The following LRP1B variants were observed in gnomAD, a reference collection of about 807,000 sequenced individuals.
The protein encoded by LRP1B is low-density lipoprotein receptor-related protein 1B.
In LRP1B, 217 loss-of-function variants were observed where a neutral mutation model predicts 556.6. That is an observed-to-expected ratio of 0.39 (90% CI 0.35 to 0.44). LRP1B has a LOEUF of 0.44. Among genes scored for constraint, LRP1B ranks in the 20% least tolerant of loss-of-function variants. The pLI, the probability that LRP1B is intolerant of heterozygous loss-of-function variation, is 1.00. For missense variants in LRP1B, 5,053 were observed against 5,620.8 expected (o/e 0.90, Z 3.23); for synonymous variants, 2,047 against 1,865.8 (o/e 1.10, Z -2.50).
intron 1 of LRP1B, among the ~76,000 whole-genome samples, chr2:141,817,895 A>C (rs1219333875): frequency 6.6e-6 from 1 of 151,592 alleles, no homozygotes; most frequent in Non-Finnish European, 1.5e-5. Context: ...ATTAAATGTA[A>C]AGGAGGGATA....
Position 141,136,755 on chromosome 2 carries a change from A to G in LRP1B, c.1013+51666T>C, listed in dbSNP as rs188879162. Among the ~76,000 whole-genome samples the G allele has an allele frequency of 4.5e-4, 69 of 151,958 alleles. 1 individual carries two copies. The East Asian group carries it at 0.01, about 23-fold the overall frequency. On this transcript the variant is annotated intron_variant, in intron 7 of 90. Transcript: ENST00000389484. ...TGCTATTAATGCCCTGAAACTGCCA[A>G]TTAGGGAGGAGAAAGATATATGGGT...
chr2:140,538,021 A>G (rs1371027344), intron 45 of LRP1B, among the ~76,000 whole-genome samples: 1 of 152,116 alleles, frequency 6.6e-6, no homozygotes, highest in Non-Finnish European at 1.5e-5. Context: ...TGTTGGAGGT[A>G]AGTAGAATTC....
intron 2 of LRP1B, among the ~76,000 whole-genome samples, chr2:141,615,518 T>C (rs910698072): frequency 5.9e-5 from 9 of 152,064 alleles, no homozygotes; most frequent in Admixed American, 2.6e-4. Flanking sequence ...AGCCCACCAA[T>C]TTTTATGCCT....
At chr2:142,033,503 A>G (rs914589575) in intron 1 of LRP1B, among the ~76,000 whole-genome samples, 2 of 151,398 alleles carry the variant, frequency 1.3e-5, no homozygotes, top group Non-Finnish European at 3.0e-5. Flanking sequence ...CCACCCTCCC[A>G]CACTTCCTCT....
rs10188270 is a variant in LRP1B at position 141,465,885 on chromosome 2, T to A, written c.343+14511A>T. On this transcript the variant is annotated intron_variant, in intron 3 of 90. Coordinates refer to ENST00000389484, the MANE Select transcript of LRP1B (RefSeq NM_018557.3). ...TATACCTCTCAGGTATGTTTTTTTT[T>A]ATTACTATTTTTATTTTTTTTGAGA... Among the ~76,000 whole-genome samples the A allele has an allele frequency of 4.9e-3, 741 of 150,944 alleles. 5 individuals carry two copies. The highest frequency in any genetic ancestry group is 0.017 in the African/African-American group (694 of 41,056).
At chr2:142,083,185 A>G (rs1024036522) in intron 1 of LRP1B, among the ~76,000 whole-genome samples, 3 of 152,166 alleles carry the variant, frequency 2.0e-5, no homozygotes, top group African/African-American at 7.2e-5. Context: ...TGGGGGCACA[A>G]ATGACCAAGG....
chr2:141,068,797 T>C (rs1699554611), intron 7 of LRP1B, among the ~76,000 whole-genome samples: 1 of 152,008 alleles, frequency 6.6e-6, no homozygotes, highest in South Asian at 2.1e-4. Context: ...ACTATCTGCC[T>C]AAATAATTTC....
chr2:140,306,737 A>C (rs181278336), intron 83 of LRP1B, among the ~76,000 whole-genome samples: 3,117 of 151,496 alleles, frequency 0.021, 39 homozygotes, highest in African/African-American at 0.029. Flanking sequence ...TAGTTCTTTT[A>C]ATTGTGATGT....
chr2:140,845,560 AC>A (rs1172404374), intron 29 of LRP1B, among the ~76,000 whole-genome samples: 2 of 152,064 alleles, frequency 1.3e-5, no homozygotes, highest in Admixed American at 6.6e-5. Context: ...AGAAAAAAAA[AC>A]AAAAGGTCCA....
intron 7 of LRP1B, among the ~76,000 whole-genome samples, chr2:141,126,342 C>G (rs1297407529): frequency 6.6e-6 from 1 of 152,050 alleles, no homozygotes. Flanking sequence ...CCTTTAATAG[C>G]TATTTTCCAA....
At chr2:140,409,577 G>T (rs1482763344) in intron 66 of LRP1B, among the ~76,000 whole-genome samples, 1 of 151,856 alleles carries the variant, frequency 6.6e-6, no homozygotes, top group African/African-American at 2.4e-5. Flanking sequence ...TTTAGAATTG[G>T]TATTAATATT....
At chr2:141,105,699 A>C (rs1161198259) in intron 7 of LRP1B, among the ~76,000 whole-genome samples, 2 of 152,198 alleles carry the variant, frequency 1.3e-5, no homozygotes, top group Non-Finnish European at 2.9e-5. Flanking sequence ...TTGTTTAGAG[A>C]ATGCTATTAA....
intron 2 of LRP1B, among the ~76,000 whole-genome samples, chr2:141,481,228 A>G (rs1239511001): frequency 6.6e-6 from 1 of 152,162 alleles, no homozygotes; most frequent in African/African-American, 2.4e-5. Flanking sequence ...TTAAATCAGA[A>G]CATAGGGTCT....
intron 1 of LRP1B, among the ~76,000 whole-genome samples, chr2:142,090,358 C>G (rs79863794): frequency 0.043 from 6,562 of 152,120 alleles, 228 homozygotes; most frequent in Non-Finnish European, 0.058. Context: ...TGTAATTTAG[C>G]TATTTGCACT....
chr2:140,896,089 G>A (rs1693945349), intron 23 of LRP1B, among the ~76,000 whole-genome samples: 2 of 151,974 alleles, frequency 1.3e-5, no homozygotes, highest in South Asian at 4.2e-4. Flanking sequence ...GTATTTCCCT[G>A]CCTCCTGTCC....
chr2:140,772,281 T>C (rs953601681), intron 33 of LRP1B, among the ~76,000 whole-genome samples: 12 of 150,574 alleles, frequency 8.0e-5, no homozygotes, highest in Non-Finnish European at 1.5e-4. Context: ...ATTATATTTA[T>C]AGATTTATAA....
chr2:140,302,403 C>T (rs1683873079), intron 83 of LRP1B, among the ~76,000 whole-genome samples: 3 of 152,322 alleles, frequency 2.0e-5, no homozygotes, highest in South Asian at 2.1e-4. Flanking sequence ...CCATGGCATA[C>T]ATACTTTCAC....
intron 2 of LRP1B, among the ~76,000 whole-genome samples, chr2:141,796,510 G>T (rs1695816369): frequency 1.3e-5 from 2 of 150,976 alleles, no homozygotes; most frequent in African/African-American, 2.4e-5. Context: ...GACCAGTATG[G>T]ATTTCTTTTT....
In LRP1B at chr2:140,405,275, A is replaced by G. The variant is rs904825974; in HGVS notation, c.10415-19266T>C. Among the ~76,000 whole-genome samples the G allele has an allele frequency of 2.0e-5, 3 of 152,198 alleles. No individual in the cohort carries two copies. In the South Asian group the frequency reaches 6.2e-4, roughly 32 times the overall value. On this transcript the variant is annotated intron_variant, in intron 66 of 90. Coordinates refer to ENST00000389484, the MANE Select transcript of LRP1B (RefSeq NM_018557.3). ...ACATCGGAAAGTCTGAAAGAGCACAAATTGACAACCTAATGTCACACCTCA... is the reference window on the plus strand; with the variant it reads ...ACATCGGAAAGTCTGAAAGAGCACAGATTGACAACCTAATGTCACACCTCA...
Sources: allele counts gnomAD v4.1 joint callset (sites outside exome capture counted in the v4.1 genomes callset), GRCh38; gene constraint gnomAD v4.1.1; transcripts MANE v1.5; gene names NCBI Gene and HGNC (gene_info 2026-07-23, HGNC 2026-07-21).